ALOXE3: variants seen among roughly 807,000 people sequenced by gnomAD.
ALOXE3 encodes hydroperoxide isomerase ALOXE3.
ALOXE3 carries 78 observed loss-of-function variants against 87.5 expected under a neutral mutation model. The observed-to-expected ratio is 0.89, with a 90% CI of 0.74 to 1.08. The LOEUF (loss-of-function observed/expected upper bound fraction) is 1.08. Among genes scored for constraint, ALOXE3 ranks in the 50% least tolerant of loss-of-function variants. ALOXE3 has a pLI of 0.00. For synonymous variants in ALOXE3, 363 were observed against 370.8 expected, an observed-to-expected ratio of 0.98 and a Z score of 0.24; for missense variants, 946 against 912.4, an observed-to-expected ratio of 1.04 and a Z score of -0.47.
At chr17:8,109,467 A>G (rs1261574469) in intron 11 of ALOXE3, 124 bp from the exon 12 acceptor site, 1 of 1,329,672 alleles carries the variant, frequency 7.5e-7, no homozygotes, top group African/African-American at 1.5e-5. Flanking sequence ...CAATCCACGG[A>G]TCAAATACCC....
intron 13 of ALOXE3, among the ~76,000 whole-genome samples, chr17:8,107,998 G>GGAAGGAAGGAAGGAAA (rs1555647120): frequency 1.5e-4 from 1 of 6,568 alleles, no homozygotes; most frequent in African/African-American, 5.1e-4. Context: ...AAGAAAGGAA[G>GGAAGGAAGGAAGGAAA]GAAAGAAAGA....
intron 7 of ALOXE3, 69 bp downstream of exon 7, chr17:8,112,024 G>T: frequency 7.1e-7 from 1 of 1,413,922 alleles, no homozygotes. Flanking sequence ...CCTTTCCCAG[G>T]AAGGAGAGGA....
chr17:8,113,984 C>T (rs1227266267), intron 6 of ALOXE3, among the ~76,000 whole-genome samples: 2 of 149,634 alleles, frequency 1.3e-5, no homozygotes, highest in Admixed American at 6.7e-5. Context: ...GAGATCGCGG[C>T]ACTGCACTCC....
intron 4 of ALOXE3, 30 bp from the exon 5 acceptor site, chr17:8,115,087 G>A: frequency 1.2e-6 from 2 of 1,613,942 alleles, no homozygotes; most frequent in Non-Finnish European, 1.7e-6. Flanking sequence ...AGAGGTGGCA[G>A]GTCATGCTCG....
chr17:8,102,934 T>C (rs1043987717), intron 15 of ALOXE3, among the ~76,000 whole-genome samples: 4 of 152,128 alleles, frequency 2.6e-5, no homozygotes, highest in Non-Finnish European at 4.4e-5. Context: ...GTGCCCTTTT[T>C]CATTGACCTG....
At chr17:8,115,485 A>T in intron 4 of ALOXE3, 122 bp downstream of exon 4, 1 of 1,020,994 alleles carries the variant, frequency 9.8e-7, no homozygotes, top group Non-Finnish European at 1.5e-6. Context: ...TTAGGTCCAA[A>T]TAAGAGTCCT....
chr17:8,101,412 G>A (rs763182600), intron 15 of ALOXE3, among the ~76,000 whole-genome samples: 2 of 152,164 alleles, frequency 1.3e-5, no homozygotes, highest in Non-Finnish European at 2.9e-5. Context: ...ACTGAGACAT[G>A]ATGGCTCCTC....
Position 8,103,328 on chromosome 17 carries a change from C to T in ALOXE3, c.1951G>A (p.Asp651Asn). The T allele has an allele frequency of 6.2e-7, 1 of 1,613,852 alleles. No homozygotes were observed. The highest frequency in any genetic ancestry group is 8.5e-7 in the Non-Finnish European group (1 of 1,179,876). ...TCAACATCCCGTATACACACCTGGT[C>T]CTTGGGTTCTTGGCTAACCAACCAG... ...LFWLVSQEPKDQRPLGTYPDE... is the reference protein window; with the variant it reads ...LFWLVSQEPKNQRPLGTYPDE... The change falls in exon 15 of 16, where the codon GAC becomes AAC. Residue 651 changes from aspartate (D) to asparagine (N), a missense_variant. Asp to Asn is a conservative substitution (Grantham distance 23, BLOSUM62 1). Coordinates refer to ENST00000448843, the MANE Select transcript of ALOXE3 (RefSeq NM_021628.3).
intron 7 of ALOXE3, 106 bp downstream of exon 7, chr17:8,111,987 G>T: frequency 9.7e-7 from 1 of 1,034,962 alleles, no homozygotes; most frequent in Non-Finnish European, 1.5e-6. Flanking sequence ...AAATCCAGCA[G>T]TCTCCCTGGG....
Position 8,107,978 on chromosome 17 carries a change from GAGAGAA to G in ALOXE3, c.1684+484_1684+489del, listed in dbSNP as rs1979602815. ...GAAAGAAAGGAAGGAGAGAGAGAGA[GAGAGAA>G]AGAAAGAAAGGAAGGAAAGAAAGAA... On this transcript the variant is annotated intron_variant, in intron 13 of 15. Coordinates refer to ENST00000448843, the MANE Select transcript of ALOXE3 (RefSeq NM_021628.3). 2.2e-4 allele frequency among the ~76,000 whole-genome samples: 4 copies of G among 18,210 alleles called. 2 individuals are homozygous for G. The highest frequency in any genetic ancestry group is 2.8e-4 in the Non-Finnish European group (2 of 7,128). The allele number at this position is 18,210 out of a possible 152,430, so 11.9% of individuals were successfully genotyped here.
At chr17:8,106,406 G>A (rs1047044339) in intron 13 of ALOXE3, among the ~76,000 whole-genome samples, 2 of 152,112 alleles carry the variant, frequency 1.3e-5, no homozygotes, top group Non-Finnish European at 2.9e-5. Flanking sequence ...AAAAAGTAAA[G>A]CAGGCAGACA....
In ALOXE3 at chr17:8,110,017, G is replaced by A; in HGVS notation, c.1306-15C>T. ...GGGAGTAGGAGCTGCGAGCGGAGCG[G>A]ATCACGTGAGCTGAAGGCCGGGGAC... On this transcript the variant is annotated splice_polypyrimidine_tract_variant and intron_variant, in intron 10 of 15. Coordinates refer to ENST00000448843, the MANE Select transcript of ALOXE3 (RefSeq NM_021628.3). The A allele has an allele frequency of 6.4e-7, 1 of 1,563,000 alleles. No individual in the cohort carries two copies. The highest frequency in any genetic ancestry group is 1.4e-5 in the African/African-American group (1 of 73,708).
Position 8,107,965 on chromosome 17 carries a change from G to GAGAGAGA in ALOXE3, c.1684+502_1684+503insTCTCTCT. On this transcript the variant is annotated intron_variant, in intron 13 of 15. Coordinates refer to ENST00000448843, the MANE Select transcript of ALOXE3 (RefSeq NM_021628.3). ...AGAAAGAAAGAAAGAAAGAAAGGAA[G>GAGAGAGA]GAGAGAGAGAGAGAGAGAAAGAAAG... is the stretch of plus-strand genomic sequence containing the variant. Among the ~76,000 whole-genome samples the GAGAGAGA allele has an allele frequency of 3.2e-4, 2 of 6,258 alleles. 1 individual carries two copies. The highest frequency in any genetic ancestry group is 1.2e-3 in the Non-Finnish European group (2 of 1,708). 4.1% of individuals were successfully genotyped at this position (6,258 alleles called of 152,430 possible).
chr17:8,101,287 CA>C (rs1978908495), intron 15 of ALOXE3, among the ~76,000 whole-genome samples: 1 of 152,190 alleles, frequency 6.6e-6, no homozygotes, highest in African/African-American at 2.4e-5. Context: ...CTCGGCCTCC[CA>C]ATGTGCTGGG....
At chr17:8,111,972 C>T in intron 7 of ALOXE3, 121 bp downstream of exon 7, 1 of 905,520 alleles carries the variant, frequency 1.1e-6, no homozygotes, top group East Asian at 2.4e-5. Flanking sequence ...GAGCCCCTCC[C>T]ACTCAAATCC....
chr17:8,111,212 G>T, intron 8 of ALOXE3, 147 bp downstream of exon 8: 2 of 1,001,410 alleles, frequency 2.0e-6, no homozygotes, highest in African/African-American at 1.6e-5. Flanking sequence ...TACTTAAAGT[G>T]TGCAGGACCA....
chr17:8,109,780 G>T, intron 11 of ALOXE3, 136 bp downstream of exon 11: 1 of 874,188 alleles, frequency 1.1e-6, no homozygotes, highest in Non-Finnish European at 1.8e-6. Context: ...TGGTGGAAGA[G>T]GCAGTGATTG....
chr17:8,097,690 C>G (rs1978631766), intron 15 of ALOXE3, among the ~76,000 whole-genome samples: 1 of 152,104 alleles, frequency 6.6e-6, no homozygotes, highest in Admixed American at 6.5e-5. Context: ...GCCTCCTAAC[C>G]AGCACACACT....
In ALOXE3 at chr17:8,115,614, A is replaced by T; in HGVS notation, c.427T>A (p.Cys143Ser). ...AAATTAGGCCACCCTCACCGGTAGC[A>T]TTCTTGTCGGGCCCGGAGCTCCCGT... Reference protein sequence around the residue: ...RTRELRARQECYRWKIYAPGF... With the variant: ...RTRELRARQESYRWKIYAPGF... Residue 143 changes from cysteine to serine, a missense_variant, in exon 4 of 16, where the codon TGC becomes AGC. By Grantham distance (112) the Cys-to-Ser change is moderately radical (BLOSUM62 -1). Coordinates refer to ENST00000448843, the MANE Select transcript of ALOXE3 (RefSeq NM_021628.3). The T allele has an allele frequency of 6.2e-7, 1 of 1,613,532 alleles. No individual in the cohort carries two copies. Among genetic ancestry groups the T allele is most frequent in the Non-Finnish European group, 8.5e-7 (1 of 1,179,396 alleles).
Sources: allele counts gnomAD v4.1 joint callset (sites outside exome capture counted in the v4.1 genomes callset), GRCh38; gene constraint gnomAD v4.1.1; transcripts MANE v1.5; gene names NCBI Gene and HGNC (gene_info 2026-07-23, HGNC 2026-07-21).